RTN4: variants seen among roughly 807,000 people sequenced by gnomAD.
RTN4 encodes reticulon 4.
RTN4 carries 32 observed loss-of-function variants against 90.4 expected under a neutral mutation model. That is an observed-to-expected ratio of 0.35 (90% CI 0.27 to 0.48). The LOEUF (loss-of-function observed/expected upper bound fraction) is 0.48. Among genes scored for constraint, RTN4 ranks in the 20% least tolerant of loss-of-function variants. The pLI, the probability that RTN4 is intolerant of heterozygous loss-of-function variation, is 0.99. For synonymous variants in RTN4, 629 were observed against 552.5 expected (o/e 1.14, Z -1.94); for missense variants, 1,706 against 1,430.2 (o/e 1.19, Z -3.11).
intron 1 of RTN4, among the ~76,000 whole-genome samples, chr2:55,036,586 A>G (rs1682699451): frequency 7.3e-6 from 1 of 137,254 alleles, no homozygotes; most frequent in African/African-American, 2.8e-5. Context: ...CAGGCAACAG[A>G]GCAAGACTGT....
chr2:55,100,414 G>T (rs12464877), intron 1 of RTN4, among the ~76,000 whole-genome samples: 19,191 of 152,112 alleles, frequency 0.13, 1,604 homozygotes, highest in South Asian at 0.24. Flanking sequence ...TGCTGGTTCT[G>T]TCTGGAAGCC....
intron 2 of RTN4, among the ~76,000 whole-genome samples, chr2:55,071,380 C>T (rs574773740): frequency 1.3e-5 from 2 of 151,916 alleles, no homozygotes; most frequent in African/African-American, 4.8e-5. Flanking sequence ...TGGAAAAGTG[C>T]TTTGAAAGTT....
In RTN4 at chr2:55,049,950, C is replaced by G. The variant is rs1014108799; in HGVS notation, c.351G>C (p.Val117=). The part of the protein sequence containing the change: ...SWDPSPVSST[V]PAPSPLSAAA... ...CAGCAGACAGCGGGGATGGCGCGGG[C>G]ACGGTCGACGACACCGGGCTCGGGT... Residue 117 remains valine, a synonymous_variant, in exon 1 of 9, where the codon GTG becomes GTC. Transcript: ENST00000337526. The G allele has an allele frequency of 3.0e-6, 4 of 1,352,290 alleles. No homozygotes were observed. Among genetic ancestry groups the G allele is most frequent in the African/African-American group, 1.5e-5 (1 of 65,034 alleles). 83.8% of individuals were successfully genotyped at this position (1,352,290 alleles called of 1,614,324 possible).
chr2:54,987,785 A>G (rs976989017), intron 3 of RTN4, 87 bp from the exon 4 acceptor site: 3 of 1,017,732 alleles, frequency 2.9e-6, no homozygotes, highest in African/African-American at 3.3e-5. Context: ...ACGCTACTAC[A>G]TAAAGTAAAA....
chr2:55,128,266 A>G, the RTN4 span, among the ~76,000 whole-genome samples: 10,078 of 152,182 alleles, frequency 0.066, 435 homozygotes, highest in Admixed American at 0.1. Context: ...ATTGCAAGGA[A>G]AGGATGGAAC....
the RTN4 span, among the ~76,000 whole-genome samples, chr2:55,129,479 T>C: frequency 2.6e-5 from 4 of 151,814 alleles, no homozygotes; most frequent in Non-Finnish European, 5.9e-5. Flanking sequence ...ACTCAGGAGG[T>C]TGAGATAGGA....
chr2:54,993,907 C>T (rs1400703854), intron 3 of RTN4, among the ~76,000 whole-genome samples: 3 of 152,162 alleles, frequency 2.0e-5, no homozygotes, highest in African/African-American at 7.2e-5. Context: ...GAAGAATTTC[C>T]ATCTTTTTCC....
intron 2 of RTN4, among the ~76,000 whole-genome samples, chr2:55,070,712 C>T (rs576920655): frequency 6.6e-6 from 1 of 151,938 alleles, no homozygotes; most frequent in Admixed American, 6.6e-5. Context: ...ATATAAAAAT[C>T]TCCACTCCTA....
chr2:55,129,106 T>A, the RTN4 span, among the ~76,000 whole-genome samples: 1 of 111,310 alleles, frequency 9.0e-6, no homozygotes, highest in African/African-American at 3.6e-5. Flanking sequence ...CAAGACTCCG[T>A]CTCAAAAAAA....
intron 1 of RTN4, among the ~76,000 whole-genome samples, chr2:55,091,953 A>G (rs1487244802): frequency 6.6e-6 from 1 of 152,184 alleles, no homozygotes; most frequent in Non-Finnish European, 1.5e-5. Context: ...CCATGATTCA[A>G]TTACCTCCCC....
intron 8 of RTN4, 107 bp downstream of exon 8, chr2:54,973,456 G>C (rs890987707): frequency 1.1e-6 from 1 of 906,048 alleles, no homozygotes; most frequent in Non-Finnish European, 1.8e-6. Flanking sequence ...TCACACTTAA[G>C]GTCTGATAGA....
At chr2:54,998,863 A>G (rs1679648830) in intron 3 of RTN4, among the ~76,000 whole-genome samples, 1 of 152,182 alleles carries the variant, frequency 6.6e-6, no homozygotes. Flanking sequence ...TAAGACAAAG[A>G]GTTTATACAG....
upstream of RTN4, among the ~76,000 whole-genome samples, chr2:55,115,498 A>C (rs187283266): frequency 4.6e-5 from 7 of 152,328 alleles, no homozygotes; most frequent in Non-Finnish European, 7.3e-5. Context: ...TATGGAGAGG[A>C]GGCACGATTT....
the RTN4 span, among the ~76,000 whole-genome samples, chr2:55,135,648 T>C: frequency 1.3e-5 from 2 of 152,218 alleles, no homozygotes; most frequent in East Asian, 3.8e-4. Flanking sequence ...CATGTGTATA[T>C]ACAATACCAT....
intron 2 of RTN4, among the ~76,000 whole-genome samples, chr2:55,055,968 A>G (rs1013775979): frequency 7.6e-6 from 1 of 130,884 alleles, no homozygotes; most frequent in African/African-American, 3.0e-5. Flanking sequence ...TTATGTATCT[A>G]TATATACATA....
the RTN4 span, among the ~76,000 whole-genome samples, chr2:55,135,645 A>G: frequency 6.6e-6 from 1 of 152,216 alleles, no homozygotes; most frequent in Non-Finnish European, 1.5e-5. Context: ...TGACATGTGT[A>G]TATACAATAC....
chr2:55,111,051 T>C (rs1297585191), intron 1 of RTN4, among the ~76,000 whole-genome samples: 4 of 131,822 alleles, frequency 3.0e-5, no homozygotes, highest in Non-Finnish European at 7.1e-5. Flanking sequence ...AAAATAACAA[T>C]AATAATAATA....
chr2:55,026,973 C>T lies in RTN4; in HGVS notation c.1126G>A (p.Val376Met). Residue 376 changes from valine (V) to methionine (M), a missense_variant, in exon 3 of 9, where the codon GTG (valine) becomes ATG (methionine). Transcript: ENST00000337526. ...KDSFNEKRVA[V>M]EAPMREEYAD... The stretch of plus-strand genomic sequence containing the variant: ...TATTCCTCCCTCATAGGAGCTTCCA[C>T]TGCAACTCTCTTTTCATTAAAACTG... The T allele has an allele frequency of 6.2e-7, 1 of 1,613,410 alleles. No individual in the cohort carries two copies. Among genetic ancestry groups the T allele is most frequent in the Non-Finnish European group, 8.5e-7 (1 of 1,179,880 alleles).
intron 1 of RTN4, among the ~76,000 whole-genome samples, chr2:55,097,089 G>T (rs570713306): frequency 1.3e-5 from 2 of 151,786 alleles, no homozygotes; most frequent in East Asian, 3.9e-4. Flanking sequence ...AGTTCACCAA[G>T]CAGACAAGAG....
Sources: gnomAD v4.1 joint callset for allele counts (sites outside exome capture counted in the v4.1 genomes callset) on GRCh38, gnomAD v4.1.1 for gene constraint, MANE v1.5 for transcripts, NCBI Gene and HGNC (gene_info 2026-07-23, HGNC 2026-07-21) for gene names.